Variants in RHPN2 observed in about 807,000 individuals in gnomAD.
RHPN2 encodes rhophilin-2.
A neutral mutation model predicts 79.0 loss-of-function variants in RHPN2; 40 were observed. That is an observed-to-expected ratio of 0.51 (90% confidence interval 0.39 to 0.66). The LOEUF (loss-of-function observed/expected upper bound fraction) is 0.66. Ranked by LOEUF, RHPN2 falls within the 30% of genes least tolerant of loss-of-function variation. The pLI, the probability that RHPN2 is intolerant of heterozygous loss-of-function variation, is 0.00. For synonymous variants in RHPN2, 285 were observed against 363.5 expected (o/e 0.78, Z 2.46); for missense variants, 686 against 883.5 (o/e 0.78, Z 2.83).
intron 2 of RHPN2, among the ~76,000 whole-genome samples, chr19:33,031,679 T>C (rs1972013260): frequency 1.3e-5 from 2 of 151,378 alleles, no homozygotes; most frequent in Admixed American, 6.6e-5. Flanking sequence ...CCATTGCGCC[T>C]GGCTAACGTA....
At chr19:32,980,336 G>A (rs111735814) in intron 14 of RHPN2, 80 bp from the exon 15 acceptor site, 627 of 1,533,476 alleles carry the variant, frequency 4.1e-4, no homozygotes, top group African/African-American at 3.6e-3. Flanking sequence ...GGCCAGGCGC[G>A]GTGGCTCACA....
At chr19:33,045,936 G>T (rs968718144) in intron 1 of RHPN2, among the ~76,000 whole-genome samples, 1 of 152,088 alleles carries the variant, frequency 6.6e-6, no homozygotes, top group African/African-American at 2.4e-5. Flanking sequence ...TCATATAAAC[G>T]GAATCATATA....
intron 10 of RHPN2, 52 bp from the exon 11 acceptor site, chr19:32,996,272 A>G (rs569939412): frequency 1.9e-6 from 3 of 1,604,256 alleles, no homozygotes; most frequent in South Asian, 1.1e-5. Context: ...CAAGCAGAGC[A>G]TAAAGGCCCA....
chr19:33,012,221 T>G (rs1383253310), intron 5 of RHPN2, among the ~76,000 whole-genome samples: 1 of 152,076 alleles, frequency 6.6e-6, no homozygotes, highest in African/African-American at 2.4e-5. Context: ...TTTGTATTTT[T>G]AGTAGAAACA....
At chr19:33,047,729 A>C (rs1972153306) in intron 1 of RHPN2, among the ~76,000 whole-genome samples, 1 of 152,076 alleles carries the variant, frequency 6.6e-6, no homozygotes, top group Non-Finnish European at 1.5e-5. Context: ...GAATCCCAGT[A>C]TTCTCCTTCC....
intron 2 of RHPN2, among the ~76,000 whole-genome samples, chr19:33,033,943 G>C (rs944688897): frequency 1.3e-5 from 2 of 151,842 alleles, no homozygotes; most frequent in African/African-American, 4.8e-5. Flanking sequence ...TCCCTAGAGA[G>C]CTTCCACGTA....
chr19:32,997,497 T>C lies in RHPN2; in HGVS notation c.1226-1277A>G, dbSNP rs528629924. 6.0e-3 allele frequency among the ~76,000 whole-genome samples: 905 copies of C among 152,070 alleles called. 12 individuals are homozygous for C. The highest frequency in any genetic ancestry group is 0.02 in the African/African-American group (850 of 41,502). On this transcript the variant is annotated intron_variant, in intron 10 of 14. Transcript: ENST00000254260. Reference sequence around the variant, plus strand: ...TGGGTGACAGAGAAAGGCTTTTTTTTTTTCTTTCTTGAGACGGAGTCTTGC... The same window carrying C: ...TGGGTGACAGAGAAAGGCTTTTTTTCTTTCTTTCTTGAGACGGAGTCTTGC...
intron 14 of RHPN2, among the ~76,000 whole-genome samples, chr19:32,988,212 C>CAA (rs758073522): frequency 2.9e-5 from 4 of 138,696 alleles, no homozygotes; most frequent in African/African-American, 5.8e-5. Flanking sequence ...ACAACAACAA[C>CAA]AAAAAAAAAA....
At chr19:33,063,808 A>ACCCGCCGCCCGCCGCCCGCCG (rs56913749) in intron 1 of RHPN2, among the ~76,000 whole-genome samples, 17 of 131,248 alleles carry the variant, frequency 1.3e-4, no homozygotes, top group African/African-American at 4.2e-4. Context: ...GGCACCCGCC[A>ACCCGCCGCCCGCCGCCCGCCG]CCCGCCGCCC....
chr19:33,012,643 T>C lies in RHPN2; in HGVS notation c.468+4A>G, dbSNP rs750940679. ...TCCCCTCTCTGCTGCACACAAAAAC[T>C]TACTTGTCTCAGATCCATAAGATCT... On this transcript the variant is annotated splice_donor_region_variant and intron_variant, in intron 5 of 14. Coordinates refer to ENST00000254260, the MANE Select transcript of RHPN2 (RefSeq NM_033103.5). 1 of 1,590,340 alleles carries C rather than the reference T, an allele frequency of 6.3e-7. No homozygotes were observed. The highest frequency in any genetic ancestry group is 8.6e-7 in the Non-Finnish European group (1 of 1,158,382).
rs371759693 is a variant in RHPN2, at chr19:33,044,279, C to T, written c.155G>A (p.Arg52Gln). 132 of 1,614,014 alleles carry T rather than the reference C, an allele frequency of 8.2e-5. 1 individual carries two copies. The highest frequency in any genetic ancestry group is 1.0e-4 in the Non-Finnish European group (118 of 1,180,012). Residue 52 changes from arginine to glutamine, a missense_variant, in exon 2 of 15, where the codon CGG (arginine) becomes CAG (glutamine). Transcript: ENST00000254260. Reference protein sequence around the residue: ...ALNQQILKAVRMRTGAENLLK... With the variant: ...ALNQQILKAVQMRTGAENLLK... Reference sequence around the variant, plus strand: ...AAGGTTTTCCGCTCCGGTCCTCATCCGCACGGCTTTCAGGATCTGCTGATT... The same window carrying T: ...AAGGTTTTCCGCTCCGGTCCTCATCTGCACGGCTTTCAGGATCTGCTGATT...
intron 4 of RHPN2, among the ~76,000 whole-genome samples, chr19:33,015,333 G>A (rs1971868663): frequency 6.6e-6 from 1 of 152,220 alleles, no homozygotes; most frequent in Admixed American, 6.5e-5. Context: ...GCTGAGGCAG[G>A]AGAATAGCTT....
At position 32,996,224 on chromosome 19, in the gene RHPN2, C is replaced by A. The variant is rs1971700655; in HGVS notation, c.1226-4G>T. On this transcript the variant is annotated splice_region_variant and splice_polypyrimidine_tract_variant and intron_variant, in intron 10 of 14. Transcript: ENST00000254260. ...GCTCTGCGCAAGTGGGACTTCCCTGCAGACGGAAGCCAGCACCCACGTGAC... is the reference window on the plus strand; with the variant it reads ...GCTCTGCGCAAGTGGGACTTCCCTGAAGACGGAAGCCAGCACCCACGTGAC... 6.2e-7 allele frequency: 1 copy of A among 1,613,960 alleles called. No individual in the cohort carries two copies. The highest frequency in any genetic ancestry group is 1.7e-5 in the Admixed American group (1 of 60,002).
intron 7 of RHPN2, among the ~76,000 whole-genome samples, chr19:33,004,383 G>A (rs1009789057): frequency 1.3e-5 from 2 of 152,000 alleles, no homozygotes; most frequent in African/African-American, 4.8e-5. Flanking sequence ...AGTGGTAATG[G>A]CTGCACAACA....
chr19:32,993,531 T>C (rs1339448990), intron 12 of RHPN2, among the ~76,000 whole-genome samples: 10 of 152,224 alleles, frequency 6.6e-5, no homozygotes, highest in African/African-American at 1.7e-4. Context: ...GTCTGAATGT[T>C]TGTACCCTCC....
chr19:33,029,608 C>A (rs1318418421), intron 2 of RHPN2, among the ~76,000 whole-genome samples: 3 of 149,482 alleles, frequency 2.0e-5, no homozygotes, highest in African/African-American at 7.4e-5. Context: ...TGATTTTGAA[C>A]AAAAGTGCCA....
At chr19:32,983,162 A>AACACACAC (rs56696945) in intron 14 of RHPN2, among the ~76,000 whole-genome samples, 2 of 130,870 alleles carry the variant, frequency 1.5e-5, no homozygotes, top group African/African-American at 2.8e-5. Context: ...CACACACACA[A>AACACACAC]ACACACACAC....
intron 9 of RHPN2, among the ~76,000 whole-genome samples, chr19:33,000,570 A>C (rs921332188): frequency 3.3e-5 from 5 of 151,802 alleles, no homozygotes; most frequent in African/African-American, 1.2e-4. Context: ...CACCCACCAC[A>C]CAGAACCTCC....
chr19:32,997,698 C>G (rs536951932), intron 10 of RHPN2, among the ~76,000 whole-genome samples: 21 of 152,158 alleles, frequency 1.4e-4, no homozygotes, highest in African/African-American at 5.1e-4. Flanking sequence ...TCCATGTTGC[C>G]CAGGCTGGTC....
Sources: allele counts gnomAD v4.1 joint callset (sites outside exome capture counted in the v4.1 genomes callset), GRCh38; gene constraint gnomAD v4.1.1; transcripts MANE v1.5; gene names NCBI Gene and HGNC (gene_info 2026-07-23, HGNC 2026-07-21).